The following SOX5 variants were observed in gnomAD, a reference collection of about 807,000 sequenced individuals.
SOX5 encodes the protein SRY-box transcription factor 5, also known as transcription factor SOX-5.
SOX5 carries 9 observed loss-of-function variants against 92.0 expected under a neutral mutation model. The ratio of observed to expected loss-of-function variants is 0.10; its 90% confidence interval spans 0.06 to 0.17. The LOEUF is 0.17. SOX5 is among the 10% of genes least tolerant of loss of function. SOX5 has a pLI of 1.00. For missense variants in SOX5, 642 were observed against 944.5 expected, an observed-to-expected ratio of 0.68 and a Z score of 4.20; for synonymous variants, 344 against 336.3, an observed-to-expected ratio of 1.02 and a Z score of -0.25.
At chr12:24,010,658 G>A (rs570931570) in intron 4 of SOX5, among the ~76,000 whole-genome samples, 1 of 152,158 alleles carries the variant, frequency 6.6e-6, no homozygotes, top group African/African-American at 2.4e-5. Context: ...TTCTAGGCCG[G>A]GTGCTGTGGC....
At chr12:24,433,215 TCAG>T (rs1329845976) in intron 1 of SOX5, among the ~76,000 whole-genome samples, 4 of 152,352 alleles carry the variant, frequency 2.6e-5, no homozygotes, top group Admixed American at 6.5e-5. Context: ...GTGATTGTTC[TCAG>T]TAGTTAAAAT....
chr12:23,568,839 C>A (rs1342597994), intron 10 of SOX5, among the ~76,000 whole-genome samples: 1 of 151,348 alleles, frequency 6.6e-6, no homozygotes, highest in Non-Finnish European at 1.5e-5. Flanking sequence ...TAGGCTTACA[C>A]TCTTTGAATT....
rs951092058 is a variant in SOX5, at chr12:23,923,558, C to T, written c.38+26006G>A. 2.6e-5 allele frequency among the ~76,000 whole-genome samples: 4 copies of T among 152,240 alleles called. No individual in the cohort carries two copies. The South Asian group carries it at 8.3e-4, about 32-fold the overall frequency. Reference sequence around the variant, plus strand: ...TGCTGCAGGCAACTTAGAGTTATCACATGTCATTAAATTAAGAAGTGCCAT... The same window carrying T: ...TGCTGCAGGCAACTTAGAGTTATCATATGTCATTAAATTAAGAAGTGCCAT... On this transcript the variant is annotated intron_variant, in intron 1 of 14. Transcript: ENST00000451604.
chr12:24,551,186 C>T (rs1355074922), intron 1 of SOX5, among the ~76,000 whole-genome samples: 1 of 152,180 alleles, frequency 6.6e-6, no homozygotes. Flanking sequence ...GTTCCCATCT[C>T]CCCCCAGCCC....
Position 23,607,979 on chromosome 12 carries a change from G to C in SOX5, c.1018-3446C>G, listed in dbSNP as rs188083435. ...AAACTGATGACACTAAACATAAAAG[G>C]CTGAGCTGAGCCAGGTGTGGTGGCT... is the stretch of plus-strand genomic sequence containing the variant. On this transcript the variant is annotated intron_variant, in intron 8 of 14. Transcript: ENST00000451604. Among the ~76,000 whole-genome samples, 37 of 151,816 alleles carry C rather than the reference G, an allele frequency of 2.4e-4. 1 individual carries two copies. The highest frequency in any genetic ancestry group is 8.7e-4 in the African/African-American group (36 of 41,410).
intron 2 of SOX5, among the ~76,000 whole-genome samples, chr12:24,321,922 G>T (rs1950242237): frequency 6.6e-6 from 1 of 152,104 alleles, no homozygotes; most frequent in Admixed American, 6.5e-5. Context: ...CAATTATTAT[G>T]TTGGAAATGG....
intron 4 of SOX5, among the ~76,000 whole-genome samples, chr12:24,173,928 C>T (rs1954493046): frequency 6.6e-6 from 1 of 152,132 alleles, no homozygotes; most frequent in Non-Finnish European, 1.5e-5. Context: ...TTCCTGGGAA[C>T]CACTGAGCCC....
chr12:23,632,805 C>T (rs1249512368), intron 8 of SOX5, among the ~76,000 whole-genome samples: 1 of 152,108 alleles, frequency 6.6e-6, no homozygotes, highest in Non-Finnish European at 1.5e-5. Flanking sequence ...CATGATCACA[C>T]ATCATCTATC....
chr12:24,359,661 C>T (rs991169386), intron 2 of SOX5, among the ~76,000 whole-genome samples: 1 of 152,158 alleles, frequency 6.6e-6, no homozygotes. Context: ...TCAACAGAAA[C>T]CCTGCTTTTG....
intron 1 of SOX5, among the ~76,000 whole-genome samples, chr12:24,509,870 T>C (rs1949145688): frequency 6.6e-6 from 1 of 152,214 alleles, no homozygotes; most frequent in Non-Finnish European, 1.5e-5. Context: ...AGATCACAGT[T>C]TAACACTGGA....
At chr12:24,118,037 AAG>A (rs1245050383) in intron 4 of SOX5, among the ~76,000 whole-genome samples, 5,021 of 146,606 alleles carry the variant, frequency 0.034, 133 homozygotes, top group Non-Finnish European at 0.049. Context: ...AAAAAAAAAA[AAG>A]AAAAAAAAAA....
At chr12:23,637,737 G>T (rs1289955488) in intron 8 of SOX5, among the ~76,000 whole-genome samples, 1 of 152,166 alleles carries the variant, frequency 6.6e-6, no homozygotes, top group African/African-American at 2.4e-5. Flanking sequence ...GCTAAAAACC[G>T]AAAGACTCCT....
intron 3 of SOX5, among the ~76,000 whole-genome samples, chr12:24,252,859 C>T (rs537789502): frequency 6.6e-6 from 1 of 152,254 alleles, no homozygotes; most frequent in South Asian, 2.1e-4. Context: ...CGCTGGAGAG[C>T]CTCCTTGTAC....
chr12:23,598,699 A>G (rs1952917438), intron 9 of SOX5, among the ~76,000 whole-genome samples: 1 of 151,670 alleles, frequency 6.6e-6, no homozygotes, highest in Admixed American at 6.6e-5. Flanking sequence ...GCACCCGGCC[A>G]CTCTTGTGCT....
In SOX5 at chr12:23,895,982, A is replaced by G. The variant is rs933791593; in HGVS notation, c.81T>C (p.Asp27=). 5.0e-6 allele frequency: 8 copies of G among 1,613,982 alleles called. No homozygotes were observed. The highest frequency in any genetic ancestry group is 2.2e-5 in the East Asian group (1 of 44,892). ...TGCTTGTCACCATGGCTACCTCTCCATCTGCTTCCCCATACGGAGAGGCTG... is the reference window on the plus strand; with the variant it reads ...TGCTTGTCACCATGGCTACCTCTCCGTCTGCTTCCCCATACGGAGAGGCTG... ...KRPASPYGEA[D]GEVAMVTSRQ... The change falls in exon 2 of 15, where the codon GAT becomes GAC. Residue 27 remains aspartate, a synonymous_variant. Transcript: ENST00000451604.
chr12:24,209,789 C>A (rs1297849173), intron 4 of SOX5, among the ~76,000 whole-genome samples: 2 of 151,684 alleles, frequency 1.3e-5, no homozygotes, highest in Non-Finnish European at 2.9e-5. Flanking sequence ...GAGGCCGAGG[C>A]GGGCGGATCA....
intron 2 of SOX5, among the ~76,000 whole-genome samples, chr12:24,316,549 T>C (rs929430316): frequency 2.0e-5 from 3 of 152,062 alleles, no homozygotes; most frequent in Non-Finnish European, 2.9e-5. Context: ...GCCTCTAACT[T>C]TTGGGTGTGA....
intron 4 of SOX5, among the ~76,000 whole-genome samples, chr12:24,106,296 C>T (rs539184026): frequency 2.0e-5 from 3 of 151,658 alleles, no homozygotes; most frequent in Non-Finnish European, 4.4e-5. Flanking sequence ...TGATTACAAA[C>T]AAGAAGAATC....
intron 3 of SOX5, among the ~76,000 whole-genome samples, chr12:24,216,166 A>G (rs956677393): frequency 1.3e-5 from 2 of 152,230 alleles, no homozygotes; most frequent in African/African-American, 4.8e-5. Flanking sequence ...GATAGCCTAC[A>G]GGATGGGGGA....
Sources: gnomAD v4.1 joint callset for allele counts (sites outside exome capture counted in the v4.1 genomes callset) on GRCh38, gnomAD v4.1.1 for gene constraint, MANE v1.5 for transcripts, NCBI Gene and HGNC (gene_info 2026-07-23, HGNC 2026-07-21) for gene names.